ABTB2: variants seen among roughly 807,000 people sequenced by gnomAD.
ABTB2 encodes the protein ankyrin repeat and BTB/POZ domain-containing protein 2.
ABTB2 carries 56 observed loss-of-function variants against 104.1 expected under a neutral mutation model. That is an observed-to-expected ratio of 0.54 (90% CI 0.43 to 0.67). The LOEUF (loss-of-function observed/expected upper bound fraction) is 0.67, where lower values mean the gene tolerates loss of function less well. Ranked by LOEUF, ABTB2 falls within the 30% of genes least tolerant of loss-of-function variation. The pLI is 0.00. For synonymous variants in ABTB2, 606 were observed against 608.2 expected (o/e 1.00, Z 0.05); for missense variants, 1,279 against 1,407.7 (o/e 0.91, Z 1.46).
intron 5 of ABTB2, among the ~76,000 whole-genome samples, chr11:34,168,947 G>A (rs993051954): frequency 1.3e-5 from 2 of 152,262 alleles, no homozygotes; most frequent in African/African-American, 2.4e-5. Flanking sequence ...GGATATTTGT[G>A]TGTAGACAAG....
At chr11:34,171,587 A>ATAAG (rs747985807) in intron 4 of ABTB2, among the ~76,000 whole-genome samples, 34 of 152,214 alleles carry the variant, frequency 2.2e-4, no homozygotes, top group Admixed American at 1.3e-3. Flanking sequence ...CAATCAATCA[A>ATAAG]TAAGTAAGTA....
rs773678524 is a variant in ABTB2, at chr11:34,197,403, T to A, written c.1166A>T (p.Tyr389Phe). ...WSPDALHTLYYFLRCPQMESM... is the reference protein window; with the variant it reads ...WSPDALHTLYFFLRCPQMESM... Reference sequence around the variant, plus strand: ...CTCCATCTGTGGACACCGCAGAAAGTAGTAGAGCGTGTGGAGGGCGTCGGG... The same window carrying A: ...CTCCATCTGTGGACACCGCAGAAAGAAGTAGAGCGTGTGGAGGGCGTCGGG... The change falls in exon 3 of 17, where the codon TAC becomes TTC. Residue 389 changes from tyrosine to phenylalanine, a missense_variant. Transcript: ENST00000435224. The A allele has an allele frequency of 1.3e-5, 21 of 1,612,242 alleles. No homozygotes were observed. The highest frequency in any genetic ancestry group is 2.7e-5 in the African/African-American group (2 of 74,814).
chr11:34,313,912 A>G (rs192237618), intron 1 of ABTB2, among the ~76,000 whole-genome samples: 1 of 152,306 alleles, frequency 6.6e-6, no homozygotes, highest in Non-Finnish European at 1.5e-5. Context: ...TTGCCCCAGC[A>G]CTGCTGACGT....
intron 7 of ABTB2, among the ~76,000 whole-genome samples, chr11:34,166,665 G>T (rs1452294221): frequency 6.6e-6 from 1 of 152,248 alleles, no homozygotes; most frequent in African/African-American, 2.4e-5. Context: ...CTGGGAGTAA[G>T]TGCACGTGGC....
intron 3 of ABTB2, among the ~76,000 whole-genome samples, chr11:34,176,361 C>G (rs546589119): frequency 1.3e-5 from 2 of 152,020 alleles, no homozygotes; most frequent in Non-Finnish European, 2.9e-5. Flanking sequence ...CAGCAATAGC[C>G]ATGAATGCAT....
At chr11:34,220,447 A>C (rs1853606408) in intron 1 of ABTB2, among the ~76,000 whole-genome samples, 1 of 152,190 alleles carries the variant, frequency 6.6e-6, no homozygotes, top group Admixed American at 6.5e-5. Flanking sequence ...TCCTGATCAA[A>C]AGGGATAATC....
At position 34,356,878 on chromosome 11, in the gene ABTB2, C is replaced by G. The variant is rs752862611; in HGVS notation, c.706G>C (p.Glu236Gln). 1 of 1,605,956 alleles carries G rather than the reference C, an allele frequency of 6.2e-7. No homozygotes were observed. Among genetic ancestry groups the G allele is most frequent in the Non-Finnish European group, 8.5e-7 (1 of 1,176,250 alleles). ...YAAISLTACM[E>Q]NLVEEIRARV... Reference sequence around the variant, plus strand: ...GCCCGGATCTCCTCCACCAGGTTCTCCATGCAGGCGGTGAGGGAGATGGCT... The same window carrying G: ...GCCCGGATCTCCTCCACCAGGTTCTGCATGCAGGCGGTGAGGGAGATGGCT... Residue 236 changes from glutamate to glutamine, a missense_variant, in exon 1 of 17, where the codon GAG becomes CAG. Glu to Gln is a conservative substitution (Grantham distance 29, BLOSUM62 2). Transcript: ENST00000435224. The surrounding 1 kb of genome is among the most constrained non-coding windows in gnomAD (Gnocchi z 4.6).
chr11:34,327,422 C>T (rs1054549966), intron 1 of ABTB2, among the ~76,000 whole-genome samples: 3 of 152,150 alleles, frequency 2.0e-5, no homozygotes, highest in Non-Finnish European at 2.9e-5. Flanking sequence ...GGAATCCACC[C>T]CCCTAGCCAC....
intron 1 of ABTB2, among the ~76,000 whole-genome samples, chr11:34,329,172 A>G (rs145402103): frequency 6.6e-6 from 1 of 152,358 alleles, no homozygotes; most frequent in East Asian, 1.9e-4. Context: ...AGGTTTCATT[A>G]GAACAAATAA....
chr11:34,190,426 C>A (rs1338418589), intron 3 of ABTB2, among the ~76,000 whole-genome samples: 1 of 152,154 alleles, frequency 6.6e-6, no homozygotes, highest in African/African-American at 2.4e-5. Flanking sequence ...CTTCCTCCTG[C>A]ACTGTCTGGT....
chr11:34,355,230 A>T (rs1855451513), intron 1 of ABTB2, among the ~76,000 whole-genome samples: 1 of 152,212 alleles, frequency 6.6e-6, no homozygotes, highest in Non-Finnish European at 1.5e-5. Context: ...ATCAAAAAAC[A>T]AAGCATAAGA....
intron 1 of ABTB2, among the ~76,000 whole-genome samples, chr11:34,206,489 A>T (rs1006008105): frequency 6.6e-6 from 1 of 152,242 alleles, no homozygotes. Context: ...TGCTCAGGTA[A>T]GTGGAAGAGC....
At chr11:34,283,089 T>G (rs1386568149) in intron 1 of ABTB2, among the ~76,000 whole-genome samples, 2 of 150,540 alleles carry the variant, frequency 1.3e-5, no homozygotes, top group South Asian at 2.1e-4. Context: ...TTTTTTTTTT[T>G]TTGTATTTTT....
At chr11:34,246,207 C>T (rs1458444171) in intron 1 of ABTB2, among the ~76,000 whole-genome samples, 1 of 152,196 alleles carries the variant, frequency 6.6e-6, no homozygotes, top group Non-Finnish European at 1.5e-5. Context: ...TCAGGCAATT[C>T]TGTGGGTTTC....
chr11:34,316,211 G>A (rs894062684), intron 1 of ABTB2, among the ~76,000 whole-genome samples: 1 of 152,218 alleles, frequency 6.6e-6, no homozygotes, highest in Non-Finnish European at 1.5e-5. Flanking sequence ...CCCAACGTGA[G>A]GCTGTGTTTT....
At chr11:34,341,398 G>C (rs1162338010) in intron 1 of ABTB2, among the ~76,000 whole-genome samples, 1 of 152,154 alleles carries the variant, frequency 6.6e-6, no homozygotes, top group African/African-American at 2.4e-5. Flanking sequence ...TGAGAAGCTG[G>C]GGAATGGTTG....
intron 1 of ABTB2, among the ~76,000 whole-genome samples, chr11:34,304,207 A>G (rs1854745257): frequency 6.6e-6 from 1 of 152,172 alleles, no homozygotes; most frequent in South Asian, 2.1e-4. Flanking sequence ...GTCCTATCGC[A>G]GTTTCAGGCA....
At chr11:34,327,742 G>A (rs1171570137) in intron 1 of ABTB2, among the ~76,000 whole-genome samples, 3 of 152,076 alleles carry the variant, frequency 2.0e-5, no homozygotes, top group East Asian at 3.9e-4. Context: ...TCCCAGATAC[G>A]TTTCTCCCAA....
chr11:34,163,565 G>A (rs2133008299), intron 9 of ABTB2, among the ~76,000 whole-genome samples: 1 of 152,272 alleles, frequency 6.6e-6, no homozygotes, highest in East Asian at 1.9e-4. Context: ...GTGGCCTGGG[G>A]CTCTGGGATG....
Sources: gnomAD v4.1 joint callset for allele counts (sites outside exome capture counted in the v4.1 genomes callset) on GRCh38, gnomAD v4.1.1 for gene constraint, Gnocchi (gnomAD v3.1) non-coding constraint, MANE v1.5 for transcripts, NCBI Gene and HGNC (gene_info 2026-07-23, HGNC 2026-07-21) for gene names.